The following FNIP2 variants were observed in gnomAD, a reference collection of about 807,000 sequenced individuals.
FNIP2 encodes the protein folliculin interacting protein 2.
Under a neutral mutation model 108.7 loss-of-function variants are expected in FNIP2, and 32 were observed. The ratio of observed to expected loss-of-function variants is 0.29; its 90% CI spans 0.22 to 0.40. FNIP2 has a LOEUF of 0.40. Among genes scored for constraint, FNIP2 ranks in the 10% least tolerant of loss-of-function variants. The pLI is 1.00. For synonymous variants in FNIP2, 480 were observed against 496.7 expected (o/e 0.97, Z 0.45); for missense variants, 1,202 against 1,381.6 (o/e 0.87, Z 2.06).
chr4:158,843,151 G>A (rs1035914983), intron 7 of FNIP2, among the ~76,000 whole-genome samples: 5 of 152,156 alleles, frequency 3.3e-5, no homozygotes, highest in African/African-American at 7.2e-5. Context: ...TACCCCCTGC[G>A]TCAAACATAT....
intron 1 of FNIP2, among the ~76,000 whole-genome samples, chr4:158,786,353 TCACCAA>T (rs1466878414): frequency 1.3e-5 from 2 of 152,216 alleles, no homozygotes; most frequent in Non-Finnish European, 2.9e-5. Context: ...TAAAAACAAG[TCACCAA>T]ATACCTGTGT....
At chr4:158,889,982 G>T in intron 14 of FNIP2, 1 of 985,362 alleles carries the variant, frequency 1.0e-6, no homozygotes, top group Non-Finnish European at 1.2e-6. Context: ...TGTAAGAAGC[G>T]TAGGGGTGAA....
intron 1 of FNIP2, among the ~76,000 whole-genome samples, chr4:158,821,106 T>C (rs911095265): frequency 6.6e-6 from 1 of 152,232 alleles, no homozygotes; most frequent in African/African-American, 2.4e-5. Flanking sequence ...GTTTCAGAAA[T>C]GAGGCCTGGC....
At chr4:158,898,318 C>A (rs1428521033) in intron 16 of FNIP2, among the ~76,000 whole-genome samples, 1 of 152,136 alleles carries the variant, frequency 6.6e-6, no homozygotes, top group Non-Finnish European at 1.5e-5. Flanking sequence ...CTTGGCTATG[C>A]AGGCTCTTTT....
At chr4:158,879,733 A>G (rs996670757) in intron 14 of FNIP2, among the ~76,000 whole-genome samples, 1 of 150,416 alleles carries the variant, frequency 6.6e-6, no homozygotes, top group African/African-American at 2.5e-5. Flanking sequence ...AAAGAACTTA[A>G]ACAGATTTAC....
chr4:158,835,183 A>G (rs948170243), intron 6 of FNIP2: 6 of 263,958 alleles, frequency 2.3e-5, no homozygotes, highest in East Asian at 2.2e-4. Context: ...TATGCTTACA[A>G]TTGAATACAG....
chr4:158,844,698 G>T (rs748401398), intron 7 of FNIP2, among the ~76,000 whole-genome samples: 1 of 152,180 alleles, frequency 6.6e-6, no homozygotes, highest in Admixed American at 6.5e-5. Context: ...GTAAATATTC[G>T]TTGAGTGAAT....
intron 8 of FNIP2, among the ~76,000 whole-genome samples, chr4:158,852,725 T>C (rs1779769043): frequency 6.6e-6 from 1 of 152,224 alleles, no homozygotes; most frequent in Non-Finnish European, 1.5e-5. Context: ...TTACTGCAAC[T>C]GTCAGGAGAC....
intron 14 of FNIP2, among the ~76,000 whole-genome samples, chr4:158,882,305 C>T (rs1781706141): frequency 6.6e-6 from 1 of 151,996 alleles, no homozygotes; most frequent in East Asian, 1.9e-4. Context: ...GCGTCTCCGC[C>T]CGGCAGCTGC....
At chr4:158,821,248 A>G (rs1214604407) in intron 1 of FNIP2, among the ~76,000 whole-genome samples, 4 of 152,254 alleles carry the variant, frequency 2.6e-5, no homozygotes, top group East Asian at 3.8e-4. Context: ...GCCTGAAGGC[A>G]TAAAGTGGAC....
intron 1 of FNIP2, among the ~76,000 whole-genome samples, chr4:158,796,279 G>A (rs1016095189): frequency 3.3e-5 from 5 of 152,200 alleles, no homozygotes; most frequent in Non-Finnish European, 7.3e-5. Context: ...GGAAATTGAT[G>A]TGACTGAGGA....
chr4:158,773,122 C>T (rs1775750953), intron 1 of FNIP2, among the ~76,000 whole-genome samples: 1 of 152,140 alleles, frequency 6.6e-6, no homozygotes, highest in South Asian at 2.1e-4. Flanking sequence ...CAGTTTTGTT[C>T]TAGTACACTC....
At position 158,888,778 on chromosome 4, in the gene FNIP2, C is replaced by T. The variant is rs544676190; in HGVS notation, c.2950-2668C>T. Among the ~76,000 whole-genome samples, 4 of 151,730 alleles carry T rather than the reference C, an allele frequency of 2.6e-5. No individual in the cohort carries two copies. The East Asian group carries it at 7.8e-4, about 29-fold the overall frequency. On this transcript the variant is annotated intron_variant, in intron 14 of 16. Coordinates refer to ENST00000264433, the MANE Select transcript of FNIP2 (RefSeq NM_020840.3). Reference sequence around the variant, plus strand: ...ATGGTGCACACCTGTATTCCAGCTACCCAGGAGACATGAGAATCGCTTGAA... The same window carrying T: ...ATGGTGCACACCTGTATTCCAGCTATCCAGGAGACATGAGAATCGCTTGAA...
rs778972384 is a variant in FNIP2, at chr4:158,782,520, TTTG to T, written c.107+13204_107+13206del. 1.8e-4 allele frequency among the ~76,000 whole-genome samples: 25 copies of T among 136,146 alleles called. 1 individual carries two copies. The highest frequency in any genetic ancestry group is 2.3e-4 in the African/African-American group (9 of 39,424). 89.3% of individuals were successfully genotyped at this position (136,146 alleles called of 152,430 possible). On this transcript the variant is annotated intron_variant, in intron 1 of 16. Coordinates refer to ENST00000264433, the MANE Select transcript of FNIP2 (RefSeq NM_020840.3). ...ATCTTTTAATATCAGGAGCTTCCTT[TTTG>T]TTTTTTTTTTTTCCTCAAATTAGTT...
intron 16 of FNIP2, among the ~76,000 whole-genome samples, chr4:158,903,458 G>A (rs1421611204): frequency 6.6e-6 from 1 of 152,192 alleles, no homozygotes; most frequent in African/African-American, 2.4e-5. Flanking sequence ...ATTGCCAAAT[G>A]TGTGCCTTAC....
chr4:158,873,653 A>G (rs192809650), intron 14 of FNIP2, among the ~76,000 whole-genome samples: 17 of 152,284 alleles, frequency 1.1e-4, no homozygotes, highest in Non-Finnish European at 2.5e-4. Context: ...TACTTCATCA[A>G]TTTTCATTTT....
intron 2 of FNIP2, among the ~76,000 whole-genome samples, chr4:158,827,784 C>T (rs1483589243): frequency 2.0e-5 from 3 of 152,158 alleles, no homozygotes; most frequent in African/African-American, 7.2e-5. Flanking sequence ...TGGTCCAGCA[C>T]ATTTTGTGTT....
At chr4:158,832,926 C>T (rs1485479743) in intron 5 of FNIP2, among the ~76,000 whole-genome samples, 4 of 151,014 alleles carry the variant, frequency 2.6e-5, no homozygotes, top group African/African-American at 2.4e-5. Flanking sequence ...TTTTTGTCAG[C>T]TCTACACACA....
rs1259799193 is a variant in FNIP2, at chr4:158,868,390, C to T, written c.1754C>T (p.Pro585Leu). ...GCTCTTGTACCCCCCATCCTACCAC[C>T]AACAGCAGCAGAGAGACACAACCCC... is the stretch of plus-strand genomic sequence containing the variant. ...EPALVPPILP[P>L]TAAERHNPWP... Residue 585 changes from proline to leucine, a missense_variant, in exon 13 of 17, where the codon CCA becomes CTA. Transcript: ENST00000264433. This position sits in a 1 kb window ranked among gnomAD's most constrained non-coding sequence, Gnocchi z 4.6. 6.2e-7 allele frequency: 1 copy of T among 1,613,904 alleles called. No individual in the cohort carries two copies. Among genetic ancestry groups the T allele is most frequent in the Non-Finnish European group, 8.5e-7 (1 of 1,179,904 alleles).
Sources: allele counts gnomAD v4.1 joint callset (sites outside exome capture counted in the v4.1 genomes callset), GRCh38; gene constraint gnomAD v4.1.1; non-coding constraint Gnocchi (gnomAD v3.1); transcripts MANE v1.5; gene names NCBI Gene and HGNC (gene_info 2026-07-23, HGNC 2026-07-21).